Variants in SLC24A4 observed in about 807,000 individuals in gnomAD.
SLC24A4 encodes the protein solute carrier family 24 member 4.
SLC24A4 carries 53 observed loss-of-function variants against 79.0 expected under a neutral mutation model. That is an observed-to-expected ratio of 0.67 (90% CI 0.54 to 0.84). The LOEUF is 0.84. SLC24A4 is among the 40% of genes least tolerant of loss of function. The probability of loss-of-function intolerance (pLI) is 0.00; values close to 1 mark genes in which losing one functional copy is unlikely to be tolerated. For synonymous variants in SLC24A4, 323 were observed against 323.8 expected (o/e 1.00, Z 0.03); for missense variants, 731 against 822.0 (o/e 0.89, Z 1.35).
At chr14:92,464,395 A>G (rs1369410581) in intron 12 of SLC24A4, among the ~76,000 whole-genome samples, 1 of 152,108 alleles carries the variant, frequency 6.6e-6, no homozygotes, top group Admixed American at 6.5e-5. Flanking sequence ...ACATGCTGGG[A>G]GTGGGGAGAT....
chr14:92,326,050 G>A (rs1238194419), intron 2 of SLC24A4, 72 bp downstream of exon 2: 4 of 1,080,574 alleles, frequency 3.7e-6, no homozygotes, highest in Admixed American at 2.0e-5. Context: ...GCTTATGTGG[G>A]TGGTTACAGC....
intron 2 of SLC24A4, among the ~76,000 whole-genome samples, chr14:92,422,668 T>TG (rs1891349782): frequency 8.0e-5 from 12 of 149,112 alleles, no homozygotes; most frequent in Admixed American, 6.7e-5. Context: ...TGCTAAAAAA[T>TG]GGAAGCTATT....
intron 2 of SLC24A4, among the ~76,000 whole-genome samples, chr14:92,389,002 A>G (rs1889321502): frequency 1.3e-5 from 2 of 152,192 alleles, no homozygotes; most frequent in South Asian, 4.1e-4. Context: ...TGTGCACTAG[A>G]CCACTTAAGG....
At chr14:92,492,857 C>G (rs1478910447) in intron 16 of SLC24A4, 1 of 455,602 alleles carries the variant, frequency 2.2e-6, no homozygotes. Context: ...GATCCAGCCC[C>G]AGGAAGCCTT....
chr14:92,360,220 C>G (rs183925405), intron 2 of SLC24A4, among the ~76,000 whole-genome samples: 1 of 152,320 alleles, frequency 6.6e-6, no homozygotes, highest in East Asian at 1.9e-4. Context: ...CTGCGCCTAG[C>G]CTGTGTTTTA....
rs527570639 is a variant in SLC24A4 at position 92,395,325 on chromosome 14, C to T, written c.242-38587C>T. On this transcript the variant is annotated intron_variant, in intron 2 of 16. Coordinates refer to ENST00000532405, the MANE Select transcript of SLC24A4 (RefSeq NM_153646.4). ...CGTTGCCTGGAGCACTGCAGTGTTA[C>T]AGAAAGCCTCTCTAGCAGCCATTCT... 2.0e-5 allele frequency among the ~76,000 whole-genome samples: 3 copies of T among 152,112 alleles called. No homozygotes were observed. The East Asian group carries it at 5.8e-4, about 30-fold the overall frequency.
chr14:92,490,270 G>T lies in SLC24A4; in HGVS notation c.1538-1395G>T, dbSNP rs1353734713. Among the ~76,000 whole-genome samples the T allele has an allele frequency of 1.3e-5, 2 of 152,214 alleles. No homozygotes were observed. Among genetic ancestry groups the T allele is most frequent in the Non-Finnish European group, 2.9e-5 (2 of 68,028 alleles). Reference sequence around the variant, plus strand: ...TGTGCCAGGTTAGGACAGTGGTGTGGAAGTATGGCTCAGTGGCCGGGTTAG... The same window carrying T: ...TGTGCCAGGTTAGGACAGTGGTGTGTAAGTATGGCTCAGTGGCCGGGTTAG... On this transcript the variant is annotated intron_variant, in intron 14 of 16. Transcript: ENST00000532405. This position sits in a 1 kb window ranked among gnomAD's most constrained non-coding sequence, Gnocchi z 4.3.
chr14:92,368,512 C>T (rs4476115), intron 2 of SLC24A4, among the ~76,000 whole-genome samples: 1 of 152,164 alleles, frequency 6.6e-6, no homozygotes, highest in Non-Finnish European at 1.5e-5. Flanking sequence ...AACACAGGCT[C>T]ACTGCTGAAG....
intron 2 of SLC24A4, among the ~76,000 whole-genome samples, chr14:92,360,055 A>T (rs924508713): frequency 1.1e-4 from 16 of 152,132 alleles, no homozygotes; most frequent in African/African-American, 2.7e-4. Flanking sequence ...AGTAGCTAAG[A>T]TTATAGGTGT....
Position 92,493,928 on chromosome 14 carries a change from C to T in SLC24A4, c.*300C>T, listed in dbSNP as rs75645254. ...TGCCAAGCATCTCATCTCTCCTGCA[C>T]ACTTTAGTCAGAAGGACTTCTGCAT... On this transcript the variant is annotated 3_prime_UTR_variant, in exon 17 of 17. Coordinates refer to ENST00000532405, the MANE Select transcript of SLC24A4 (RefSeq NM_153646.4). 2,876 of 353,576 alleles carry T rather than the reference C, an allele frequency of 8.1e-3. 92 individuals are homozygous for T. The highest frequency in any genetic ancestry group is 0.055 in the African/African-American group (2,693 of 48,810). The allele number at this position is 353,576 out of a possible 1,614,324, so 21.9% of individuals were successfully genotyped here.
chr14:92,409,924 T>G (rs1890614276), intron 2 of SLC24A4, among the ~76,000 whole-genome samples: 1 of 152,206 alleles, frequency 6.6e-6, no homozygotes, highest in Admixed American at 6.5e-5. Context: ...GCCATTATCC[T>G]TAATAAACTA....
At chr14:92,325,148 A>G (rs1051656029) in intron 1 of SLC24A4, among the ~76,000 whole-genome samples, 2 of 152,230 alleles carry the variant, frequency 1.3e-5, no homozygotes, top group African/African-American at 4.8e-5. Context: ...AGCATTATAG[A>G]AGAGGTATTA....
In SLC24A4 at chr14:92,431,416, C is replaced by T. The variant is rs551578325; in HGVS notation, c.242-2496C>T. 7.2e-5 allele frequency among the ~76,000 whole-genome samples: 11 copies of T among 152,294 alleles called. No individual in the cohort carries two copies. The East Asian group carries it at 7.7e-4, about 11-fold the overall frequency. On this transcript the variant is annotated intron_variant, in intron 2 of 16. Coordinates refer to ENST00000532405, the MANE Select transcript of SLC24A4 (RefSeq NM_153646.4). ...TCCATCGGCTGCTAGAGACAGTGCA[C>T]GGAACAGCTGTGTGGGACATCTGCA...
At chr14:92,362,738 C>A (rs1432510055) in intron 2 of SLC24A4, among the ~76,000 whole-genome samples, 1 of 152,232 alleles carries the variant, frequency 6.6e-6, no homozygotes, top group South Asian at 2.1e-4. Context: ...TGTCACCATG[C>A]GCTCCTCCTC....
At chr14:92,338,943 C>T (rs951757424) in intron 2 of SLC24A4, among the ~76,000 whole-genome samples, 2 of 152,170 alleles carry the variant, frequency 1.3e-5, no homozygotes, top group Non-Finnish European at 2.9e-5. Flanking sequence ...CTGCTTATAG[C>T]GAATGATGAC....
At chr14:92,492,361 C>A in intron 16 of SLC24A4, 121 bp downstream of exon 16, 1 of 931,014 alleles carries the variant, frequency 1.1e-6, no homozygotes, top group Non-Finnish European at 1.7e-6. Context: ...AGGATAAAGG[C>A]AAGAAAATGT....
intron 12 of SLC24A4, among the ~76,000 whole-genome samples, chr14:92,470,371 C>CTTAATTGGAAT (rs1293878469): frequency 6.6e-6 from 1 of 152,196 alleles, no homozygotes; most frequent in African/African-American, 2.4e-5. Flanking sequence ...GCATGCATCC[C>CTTAATTGGAAT]TGCAAACCAC....
intron 2 of SLC24A4, among the ~76,000 whole-genome samples, chr14:92,333,252 C>T (rs955057171): frequency 7.9e-5 from 12 of 152,028 alleles, no homozygotes; most frequent in Non-Finnish European, 1.5e-4. Flanking sequence ...CACCACCATA[C>T]CTGGCTAATT....
chr14:92,339,107 T>C (rs113460351), intron 2 of SLC24A4, among the ~76,000 whole-genome samples: 1 of 152,140 alleles, frequency 6.6e-6, no homozygotes, highest in African/African-American at 2.4e-5. Context: ...AAGATCGAGG[T>C]GCTGGATGCA....
Sources: gnomAD v4.1 joint callset for allele counts (sites outside exome capture counted in the v4.1 genomes callset) on GRCh38, gnomAD v4.1.1 for gene constraint, Gnocchi (gnomAD v3.1) non-coding constraint, MANE v1.5 for transcripts, NCBI Gene and HGNC (gene_info 2026-07-23, HGNC 2026-07-21) for gene names.